Variants in ERBIN observed in about 807,000 individuals in gnomAD.
ERBIN encodes densin-180-like protein.
In ERBIN, 60 loss-of-function variants were observed where a neutral mutation model predicts 158.4. The ratio of observed to expected loss-of-function variants is 0.38; its 90% CI spans 0.31 to 0.47. ERBIN has a LOEUF of 0.47. Among genes scored for constraint, ERBIN ranks in the 20% least tolerant of loss-of-function variants. ERBIN has a pLI of 0.99. For synonymous variants in ERBIN, 594 were observed against 557.2 expected (o/e 1.07, Z -0.93); for missense variants, 1,610 against 1,648.0 (o/e 0.98, Z 0.40).
At chr5:65,981,115 A>T (rs1237006291) in intron 1 of ERBIN, among the ~76,000 whole-genome samples, 2 of 152,198 alleles carry the variant, frequency 1.3e-5, no homozygotes, top group Non-Finnish European at 2.9e-5. Context: ...AATTACATAG[A>T]AATCAGTAAC....
chr5:65,986,667 C>G (rs1751270028), intron 1 of ERBIN, among the ~76,000 whole-genome samples: 1 of 152,180 alleles, frequency 6.6e-6, no homozygotes, highest in Admixed American at 6.5e-5. Context: ...TAGGCTGTCT[C>G]ACTTTGGAAT....
intron 1 of ERBIN, among the ~76,000 whole-genome samples, chr5:65,967,295 G>GTACA (rs1450040906): frequency 2.6e-5 from 4 of 152,112 alleles, no homozygotes; most frequent in Non-Finnish European, 5.9e-5. Context: ...CTGCAGTAGT[G>GTACA]TACAGTAGTG....
intron 22 of ERBIN, among the ~76,000 whole-genome samples, chr5:66,073,082 T>A (rs552636637): frequency 2.6e-5 from 4 of 152,316 alleles, no homozygotes; most frequent in Admixed American, 6.5e-5. Context: ...GGCTTAGGGT[T>A]ACTGAGTTTA....
chr5:65,980,728 A>G (rs2151014851), intron 1 of ERBIN, among the ~76,000 whole-genome samples: 1 of 152,254 alleles, frequency 6.6e-6, no homozygotes, highest in Non-Finnish European at 1.5e-5. Context: ...GCGGGAAAAA[A>G]AAAACCTCGT....
chr5:66,046,240 T>G, intron 17 of ERBIN, 113 bp from the exon 18 acceptor site: 2 of 542,614 alleles, frequency 3.7e-6, no homozygotes, highest in Non-Finnish European at 6.0e-6. Flanking sequence ...TTTTCATGTT[T>G]GAGATTAGTC....
chr5:66,059,145 G>A (rs1240137754), intron 21 of ERBIN, among the ~76,000 whole-genome samples: 3 of 152,110 alleles, frequency 2.0e-5, no homozygotes, highest in African/African-American at 7.2e-5. Context: ...CCATTTTCAT[G>A]ATATTGATTC....
At position 66,024,301 on chromosome 5, in the gene ERBIN, T is replaced by C. The variant is rs746059103; in HGVS notation, c.673-5T>C. ...AGTCATTAGATTTTCTTTTTTTACT[T>C]ATAGTTTATTGGTAGTTTGAAACAG... On this transcript the variant is annotated splice_region_variant and splice_polypyrimidine_tract_variant and intron_variant, in intron 9 of 25. Coordinates refer to ENST00000284037, the MANE Select transcript of ERBIN (RefSeq NM_001253697.2). The C allele has an allele frequency of 1.5e-5, 22 of 1,483,188 alleles. No individual in the cohort carries two copies. The South Asian group carries it at 2.7e-4, about 18-fold the overall frequency. The allele number at this position is 1,483,188 out of a possible 1,614,324, so 91.9% of individuals were successfully genotyped here. A position where few individuals can be genotyped will look rare whatever the true frequency, so the allele number is the denominator to read the frequency against.
rs546101433 is a variant in ERBIN at position 66,066,986 on chromosome 5, A to G, written c.3634-5183A>G. 2.0e-5 allele frequency among the ~76,000 whole-genome samples: 3 copies of G among 152,356 alleles called. No homozygotes were observed. In the South Asian group the frequency reaches 6.2e-4, roughly 32 times the overall value. ...GAGATGACAGAGAAAGCTTTGCTAC[A>G]AGATCTGTCTAAAGGGTTAATCAGG... is the stretch of plus-strand genomic sequence containing the variant. On this transcript the variant is annotated intron_variant, in intron 21 of 25. Transcript: ENST00000284037.
At position 66,050,696 on chromosome 5, in the gene ERBIN, G is replaced by A. The variant is rs947445174; in HGVS notation, c.1904-87G>A. On this transcript the variant is annotated intron_variant, in intron 19 of 25. Transcript: ENST00000284037. ...ATTACCTCATATATAGAACCAGGATGGTATAATTGCCATTTGTCATCACTG... is the reference window on the plus strand; with the variant it reads ...ATTACCTCATATATAGAACCAGGATAGTATAATTGCCATTTGTCATCACTG... The A allele has an allele frequency of 4.2e-5, 32 of 763,286 alleles. No individual in the cohort carries two copies. The Admixed American group carries it at 8.9e-4, about 21-fold the overall frequency. 47.3% of individuals were successfully genotyped at this position (763,286 alleles called of 1,614,324 possible).
chr5:66,048,774 C>T lies in ERBIN; in HGVS notation c.1896C>T (p.Asn632=). 6.4e-7 allele frequency: 1 copy of T among 1,574,122 alleles called. No homozygotes were observed. The highest frequency in any genetic ancestry group is 1.7e-4 in the Middle Eastern group (1 of 5,910). ...CAAAAGTCGTAGCACTTAGTAATAA[C>T]AAAAAAGGTTAGATGTTAAAGGAAA... The part of the protein sequence containing the change: ...NQPKVVALSN[N]KKDDTKETDS... Residue 632 remains asparagine, a synonymous_variant, in exon 19 of 26, where the codon AAC becomes AAT. Transcript: ENST00000284037.
At chr5:66,075,513 A>G (rs1199869755) in intron 23 of ERBIN, among the ~76,000 whole-genome samples, 2 of 152,208 alleles carry the variant, frequency 1.3e-5, no homozygotes, top group Non-Finnish European at 2.9e-5. Context: ...CCTTAAGAAT[A>G]TAAATAGGAG....
At chr5:66,060,231 A>G (rs1049021684) in intron 21 of ERBIN, among the ~76,000 whole-genome samples, 3 of 152,216 alleles carry the variant, frequency 2.0e-5, no homozygotes, top group Admixed American at 6.5e-5. Context: ...TTATTGGTCT[A>G]TTCAGAGATT....
At chr5:66,020,699 G>A (rs1461783100) in intron 7 of ERBIN, among the ~76,000 whole-genome samples, 5 of 151,892 alleles carry the variant, frequency 3.3e-5, no homozygotes, top group South Asian at 4.1e-4. Context: ...CATCTTTCAA[G>A]TTCCTGTAAT....
At chr5:66,002,991 TAACTG>T (rs1293910017) in intron 4 of ERBIN, among the ~76,000 whole-genome samples, 4 of 152,232 alleles carry the variant, frequency 2.6e-5, no homozygotes, top group African/African-American at 7.2e-5. Context: ...TGTAGACTGT[TAACTG>T]GAGTGTGCAC....
At chr5:65,951,885 C>T (rs1260190356) in intron 1 of ERBIN, among the ~76,000 whole-genome samples, 1 of 152,154 alleles carries the variant, frequency 6.6e-6, no homozygotes, top group Non-Finnish European at 1.5e-5. Context: ...TTGTGTTTGA[C>T]ACATGTATGC....
At chr5:65,943,784 AC>A (rs1361791778) in intron 1 of ERBIN, among the ~76,000 whole-genome samples, 1 of 152,200 alleles carries the variant, frequency 6.6e-6, no homozygotes, top group Non-Finnish European at 1.5e-5. Context: ...TATACCCTTC[AC>A]CACTGTTCAT....
intron 13 of ERBIN, among the ~76,000 whole-genome samples, chr5:66,027,535 G>C (rs1234018470): frequency 1.3e-5 from 2 of 152,000 alleles, no homozygotes; most frequent in Non-Finnish European, 2.9e-5. Context: ...AAAAAATTGT[G>C]TCAGTACTGA....
At chr5:66,034,606 C>CTT (rs79537769) in intron 14 of ERBIN, among the ~76,000 whole-genome samples, 16 of 142,152 alleles carry the variant, frequency 1.1e-4, no homozygotes, top group African/African-American at 4.1e-4. Flanking sequence ...TTCTTGAATC[C>CTT]TTTTTTTTTT....
intron 1 of ERBIN, among the ~76,000 whole-genome samples, chr5:65,975,988 G>T (rs188006418): frequency 5.3e-5 from 8 of 152,250 alleles, no homozygotes; most frequent in African/African-American, 1.4e-4. Context: ...TCCATTTAGG[G>T]CTCCCTAAGT....
Sources: gnomAD v4.1 joint callset for allele counts (sites outside exome capture counted in the v4.1 genomes callset) on GRCh38, gnomAD v4.1.1 for gene constraint, MANE v1.5 for transcripts, NCBI Gene and HGNC (gene_info 2026-07-23, HGNC 2026-07-21) for gene names.